PCDH18: variants seen among roughly 807,000 people sequenced by gnomAD.
PCDH18 encodes protocadherin-18.
In PCDH18, 38 loss-of-function variants were observed where a neutral mutation model predicts 71.5. That is an observed-to-expected ratio of 0.53 (90% confidence interval 0.41 to 0.70). The LOEUF (loss-of-function observed/expected upper bound fraction) is 0.70. Among genes scored for constraint, PCDH18 ranks in the 30% least tolerant of loss-of-function variants. The probability of loss-of-function intolerance (pLI) is 0.00; values close to 1 mark genes in which losing one functional copy is unlikely to be tolerated. For synonymous variants in PCDH18, 565 were observed against 505.4 expected, an observed-to-expected ratio of 1.12 and a Z score of -1.58; for missense variants, 1,334 against 1,384.6, an observed-to-expected ratio of 0.96 and a Z score of 0.58.
At chr4:137,524,439 C>T (rs116736614) in intron 3 of PCDH18, among the ~76,000 whole-genome samples, 287 of 152,056 alleles carry the variant, frequency 1.9e-3, no homozygotes, top group African/African-American at 6.2e-3. Flanking sequence ...CAAGTGACAT[C>T]GTAAACACAG....
At position 137,521,318 on chromosome 4, in the gene PCDH18, C is replaced by A. The variant is rs763418165; in HGVS notation, c.3119G>T (p.Gly1040Val). 6.2e-7 allele frequency: 1 copy of A among 1,614,156 alleles called. No individual in the cohort carries two copies. The highest frequency in any genetic ancestry group is 8.5e-7 in the Non-Finnish European group (1 of 1,180,030). The change falls in exon 4 of 4, where the codon GGA (glycine) becomes GTA (valine). Residue 1040 changes from glycine to valine, a missense_variant. This residue lies in a region of PCDH18 where 319 missense variants were observed against 316.3 expected (regional missense o/e 1.01). Coordinates refer to ENST00000344876, the MANE Select transcript of PCDH18 (RefSeq NM_019035.5). Reference protein sequence around the residue: ...DRSNSLERRKGPLPAKTVGYP... With the variant: ...DRSNSLERRKVPLPAKTVGYP... ...ACCCACAGTTTTGGCTGGCAAGGGT[C>A]CCTTCCTGCGCTCCAGGGAGTTGGA...
At chr4:137,527,827 C>T (rs1731523514) in intron 3 of PCDH18, among the ~76,000 whole-genome samples, 1 of 152,122 alleles carries the variant, frequency 6.6e-6, no homozygotes, top group Non-Finnish European at 1.5e-5. Flanking sequence ...CCAAGGAAAA[C>T]GTGGTTCGAA....
At position 137,529,935 on chromosome 4, in the gene PCDH18, CACCATAATA is replaced by C. The variant is rs755254443; in HGVS notation, c.2145_2153del (p.Ile716_Val718del). Reference sequence around the variant, plus strand: ...CGCGGTTACACCTAGTTGCAAATAGCACCATAATAACCAGCAACACTGCACAAATTGCTC... The same window carrying C: ...CGCGGTTACACCTAGTTGCAAATAGCACCAGCAACACTGCACAAATTGCTC... On this transcript the variant is annotated inframe_deletion, in exon 1 of 4. Coordinates refer to ENST00000344876, the MANE Select transcript of PCDH18 (RefSeq NM_019035.5). The C allele has an allele frequency of 6.2e-7, 1 of 1,613,780 alleles. No individual in the cohort carries two copies. The highest frequency in any genetic ancestry group is 8.5e-7 in the Non-Finnish European group (1 of 1,179,932).
chr4:137,525,467 A>T (rs1384889842), intron 3 of PCDH18, among the ~76,000 whole-genome samples: 3 of 152,072 alleles, frequency 2.0e-5, no homozygotes, highest in African/African-American at 7.2e-5. Flanking sequence ...TACTTGGGAT[A>T]TTTTCTGGGA....
Position 137,532,370 on chromosome 4 carries a change from C to A in PCDH18, c.-282G>T. ...CTCCGCGTTTTCTCCCTTGTGTAGTCGGAATCCATCTATTGCAGGGTGCCG... is the reference window on the plus strand; with the variant it reads ...CTCCGCGTTTTCTCCCTTGTGTAGTAGGAATCCATCTATTGCAGGGTGCCG... On this transcript the variant is annotated 5_prime_UTR_variant, in exon 1 of 4. Transcript: ENST00000344876. 4.3e-6 allele frequency: 3 copies of A among 702,066 alleles called. No homozygotes were observed. The highest frequency in any genetic ancestry group is 3.0e-5 in the South Asian group (2 of 67,474). The allele number at this position is 702,066 out of a possible 1,614,324, so 43.5% of individuals were successfully genotyped here.
Position 137,530,735 on chromosome 4 carries a change from T to C in PCDH18, c.1354A>G (p.Thr452Ala). The change falls in exon 1 of 4, where the codon ACA becomes GCA. Residue 452 changes from threonine to alanine, a missense_variant. Thr to Ala is a moderately conservative substitution (Grantham distance 58). This residue lies in a region of PCDH18 where 1,011 missense variants were observed against 1,048.0 expected (regional missense o/e 0.96). Coordinates refer to ENST00000344876, the MANE Select transcript of PCDH18 (RefSeq NM_019035.5). The part of the protein sequence containing the change: ...TPSLSTVKHF[T>A]VQINDINDNP... ...TCATTGATATCATTGATTTGAACTG[T>C]AAAATGTTTCACTGTAGAGAGACTG... is the stretch of plus-strand genomic sequence containing the variant. 6.2e-7 allele frequency: 1 copy of C among 1,613,144 alleles called. No individual in the cohort carries two copies.
In PCDH18 at chr4:137,520,509, G is replaced by A. The variant is rs181724643; in HGVS notation, c.*520C>T. 2.0e-4 allele frequency: 31 copies of A among 152,494 alleles called. No homozygotes were observed. The highest frequency in any genetic ancestry group is 6.3e-4 in the African/African-American group (26 of 41,490). 9.4% of individuals were successfully genotyped at this position (152,494 alleles called of 1,614,324 possible). On this transcript the variant is annotated 3_prime_UTR_variant, in exon 4 of 4. Transcript: ENST00000344876. ...TTTTCCTATAAGAGTTCAACTATTG[G>A]GGCTAGTAGAAAGTAGAGAAAATAA...
At chr4:137,524,207 A>T (rs903029020) in intron 3 of PCDH18, among the ~76,000 whole-genome samples, 2 of 152,148 alleles carry the variant, frequency 1.3e-5, no homozygotes, top group Non-Finnish European at 2.9e-5. Flanking sequence ...GTGAAAGGAG[A>T]GTATCTTCTT....
intron 3 of PCDH18, among the ~76,000 whole-genome samples, chr4:137,526,922 A>G (rs908463033): frequency 2.7e-5 from 4 of 149,992 alleles, no homozygotes; most frequent in African/African-American, 9.8e-5. Flanking sequence ...TTTGAGATGC[A>G]TTTTCTAACC....
chr4:137,532,479 C>T lies in PCDH18; in HGVS notation c.-391G>A. ...CAGACTAAACACCCGTGATTGCTGA[C>T]TCCAGTCTAAAATCTGTACAACTTC... On this transcript the variant is annotated 5_prime_UTR_variant, in exon 1 of 4. Coordinates refer to ENST00000344876, the MANE Select transcript of PCDH18 (RefSeq NM_019035.5). 1 of 622,650 alleles carries T rather than the reference C, an allele frequency of 1.6e-6. No individual in the cohort carries two copies. Among genetic ancestry groups the T allele is most frequent in the South Asian group, 1.8e-5 (1 of 54,252 alleles). The allele number at this position is 622,650 out of a possible 1,614,324, so 38.6% of individuals were successfully genotyped here. A position where few individuals can be genotyped will look rare whatever the true frequency, so the allele number is the denominator to read the frequency against.
Position 137,520,952 on chromosome 4 carries a change from TC to T in PCDH18, c.*76del, listed in dbSNP as rs1276173953. 9.5e-7 allele frequency: 1 copy of T among 1,054,270 alleles called. No individual in the cohort carries two copies. The highest frequency in any genetic ancestry group is 2.4e-5 in the Admixed American group (1 of 41,332). 65.3% of individuals were successfully genotyped at this position (1,054,270 alleles called of 1,614,324 possible). A position where few individuals can be genotyped will look rare whatever the true frequency, so the allele number is the denominator to read the frequency against. ...AATGCAACTATTTGGCAATGCCAGT[TC>T]TTTCAGGGTTTTTTGTTGTTGTTGT... On this transcript the variant is annotated 3_prime_UTR_variant, in exon 4 of 4. Transcript: ENST00000344876.
In PCDH18 at chr4:137,532,248, T is replaced by C. The variant is rs754302350; in HGVS notation, c.-160A>G. 8.3e-6 allele frequency: 6 copies of C among 720,750 alleles called. No individual in the cohort carries two copies. Among genetic ancestry groups the C allele is most frequent in the South Asian group, 4.3e-5 (3 of 69,102 alleles). The allele number at this position is 720,750 out of a possible 1,614,324, so 44.6% of individuals were successfully genotyped here. Reference sequence around the variant, plus strand: ...TAACAGCTCGCAAACTTTTGTTTTATACACACCGTGTCACGACTTCCAGAT... The same window carrying C: ...TAACAGCTCGCAAACTTTTGTTTTACACACACCGTGTCACGACTTCCAGAT... On this transcript the variant is annotated 5_prime_UTR_variant, in exon 1 of 4. Coordinates refer to ENST00000344876, the MANE Select transcript of PCDH18 (RefSeq NM_019035.5).
At chr4:137,528,706 A>G in intron 2 of PCDH18, 26 bp downstream of exon 2, 2 of 1,607,126 alleles carry the variant, frequency 1.2e-6, no homozygotes, top group Non-Finnish European at 1.7e-6. Flanking sequence ...TTGAAACTTA[A>G]TAGGTAACAC....
intron 3 of PCDH18, among the ~76,000 whole-genome samples, chr4:137,526,640 G>C (rs1298214326): frequency 2.0e-5 from 3 of 152,008 alleles, no homozygotes; most frequent in Non-Finnish European, 4.4e-5. Flanking sequence ...CAGGTACACG[G>C]CATGCCTTAT....
rs751298507 is a variant in PCDH18 at position 137,521,557 on chromosome 4, C to T, written c.2880G>A (p.Gln960=). Reference sequence around the variant, plus strand: ...CCTCAAGACTCTGATGTGGATGCTGCTGCTGGGGTTGCGTTGGGAATTCTT... The same window carrying T: ...CCTCAAGACTCTGATGTGGATGCTGTTGCTGGGGTTGCGTTGGGAATTCTT... ...PGEEFPTQPQ[Q]QHPHQSLEDD... Residue 960 remains glutamine (Q), a synonymous_variant, in exon 4 of 4, where the codon CAG becomes CAA. Coordinates refer to ENST00000344876, the MANE Select transcript of PCDH18 (RefSeq NM_019035.5). 9 of 1,614,076 alleles carry T rather than the reference C, an allele frequency of 5.6e-6. No homozygotes were observed. In the South Asian group the frequency reaches 7.7e-5, roughly 14 times the overall value.
intron 3 of PCDH18, among the ~76,000 whole-genome samples, chr4:137,526,117 C>G (rs1056101046): frequency 6.6e-6 from 1 of 151,448 alleles, no homozygotes; most frequent in African/African-American, 2.4e-5. Flanking sequence ...GAGGTGGCAA[C>G]TTAGAAAATA....
At chr4:137,529,115 C>G (rs760534968) in intron 1 of PCDH18, 1 of 384,938 alleles carries the variant, frequency 2.6e-6, no homozygotes, top group East Asian at 4.5e-5. Flanking sequence ...AAAGTGACCA[C>G]CTGTAAAAAT....
At position 137,530,780 on chromosome 4, in the gene PCDH18, C is replaced by T. The variant is rs781283112; in HGVS notation, c.1309G>A (p.Ala437Thr). 2.4e-5 allele frequency: 39 copies of T among 1,611,556 alleles called. No homozygotes were observed. The highest frequency in any genetic ancestry group is 1.5e-4 in the South Asian group (14 of 91,038). Residue 437 changes from alanine (A) to threonine (T), a missense_variant, in exon 1 of 4, where the codon GCT becomes ACT. Physicochemically the swap from Ala to Thr is moderately conservative, Grantham distance 58 (BLOSUM62 0). This residue lies in a region of PCDH18 where 1,011 missense variants were observed against 1,048.0 expected (regional missense o/e 0.96). Transcript: ENST00000344876. ...AGACTGGGTGTCCCCCTGTCCTCAG[C>T]GATTACAGTCAAACTATACTCAGAT... is the stretch of plus-strand genomic sequence containing the variant. ...KRSEYSLTVIAEDRGTPSLST... is the reference protein window; with the variant it reads ...KRSEYSLTVITEDRGTPSLST...
At position 137,530,388 on chromosome 4, in the gene PCDH18, A is replaced by C; in HGVS notation, c.1701T>G (p.Ile567Met). 1 of 1,614,080 alleles carries C rather than the reference A, an allele frequency of 6.2e-7. No homozygotes were observed. The highest frequency in any genetic ancestry group is 8.5e-7 in the Non-Finnish European group (1 of 1,179,976). Residue 567 changes from isoleucine (I) to methionine (M), a missense_variant, in exon 1 of 4, where the codon ATT (isoleucine) becomes ATG (methionine). Ile to Met is a conservative substitution (Grantham distance 10, BLOSUM62 1). Coordinates refer to ENST00000344876, the MANE Select transcript of PCDH18 (RefSeq NM_019035.5). ...CCACAGGAACGTTGTCATTTTCGTCAATGATGGTGAGCACAACTGTGGTAT... is the reference window on the plus strand; with the variant it reads ...CCACAGGAACGTTGTCATTTTCGTCCATGATGGTGAGCACAACTGTGGTAT... ...VSNTTVVLTI[I>M]DENDNVPVVI...
Sources: allele counts gnomAD v4.1 joint callset (sites outside exome capture counted in the v4.1 genomes callset), GRCh38; gene constraint gnomAD v4.1.1; regional missense constraint gnomAD v4.1.1; transcripts MANE v1.5; gene names NCBI Gene and HGNC (gene_info 2026-07-23, HGNC 2026-07-21).